The following RNF220 variants were observed in gnomAD, a reference collection of about 807,000 sequenced individuals.
RNF220 encodes the protein E3 ubiquitin-protein ligase RNF220.
RNF220 carries 7 observed loss-of-function variants against 67.1 expected under a neutral mutation model. That is an observed-to-expected ratio of 0.10 (90% CI 0.06 to 0.20). The LOEUF is 0.20. RNF220 is among the 10% of genes least tolerant of loss of function. The pLI is 1.00. For synonymous variants in RNF220, 270 were observed against 283.2 expected, an observed-to-expected ratio of 0.95 and a Z score of 0.47; for missense variants, 565 against 740.3, an observed-to-expected ratio of 0.76 and a Z score of 2.75.
intron 5 of RNF220, among the ~76,000 whole-genome samples, chr1:44,629,327 T>C (rs1368926381): frequency 2.6e-5 from 4 of 152,242 alleles, no homozygotes; most frequent in Non-Finnish European, 4.4e-5. Flanking sequence ...TAGGAGAAGA[T>C]GCAAATAATT....
intron 2 of RNF220, among the ~76,000 whole-genome samples, chr1:44,487,967 C>T (rs528917019): frequency 7.3e-4 from 45 of 61,650 alleles, no homozygotes; most frequent in Non-Finnish European, 1.3e-3. Context: ...AGCCTTTTGG[C>T]ACTGCGATTT....
intron 2 of RNF220, among the ~76,000 whole-genome samples, chr1:44,521,253 CA>C (rs1211375304): frequency 2.6e-5 from 4 of 152,246 alleles, no homozygotes; most frequent in African/African-American, 9.6e-5. Flanking sequence ...TGCCCCAGTA[CA>C]GGATAGGAGA....
chr1:44,598,812 C>T lies in RNF220; in HGVS notation c.626-15353C>T, dbSNP rs182758934. 2.5e-3 allele frequency among the ~76,000 whole-genome samples: 386 copies of T among 152,286 alleles called. 2 individuals carry two copies. The highest frequency in any genetic ancestry group is 8.8e-3 in the African/African-American group (365 of 41,548). Reference sequence around the variant, plus strand: ...GAGCAGTTCTGGAGCTTCTGTATTTCGAGAGCTTCTACCCTTTGACACCCT... The same window carrying T: ...GAGCAGTTCTGGAGCTTCTGTATTTTGAGAGCTTCTACCCTTTGACACCCT... On this transcript the variant is annotated intron_variant, in intron 2 of 14. Coordinates refer to ENST00000361799, the MANE Select transcript of RNF220 (RefSeq NM_018150.4).
intron 2 of RNF220, among the ~76,000 whole-genome samples, chr1:44,597,468 G>GCACACACACA (rs56375404): frequency 1.5e-5 from 2 of 135,650 alleles, no homozygotes; most frequent in Admixed American, 7.4e-5. Flanking sequence ...TCTCTCTCAT[G>GCACACACACA]CACACACACA....
intron 2 of RNF220, among the ~76,000 whole-genome samples, chr1:44,596,461 C>T (rs753557716): frequency 1.9e-4 from 28 of 148,876 alleles, no homozygotes; most frequent in Non-Finnish European, 3.6e-4. Flanking sequence ...ACTCGGGAGG[C>T]TGAGGCAGGA....
At chr1:44,648,675 GGCC>G (rs1418042526) in intron 12 of RNF220, 2 of 152,240 alleles carry the variant, frequency 1.3e-5, no homozygotes, top group African/African-American at 4.8e-5. Flanking sequence ...CCTGGAGGCA[GGCC>G]AGGGCTGTGG....
intron 2 of RNF220, among the ~76,000 whole-genome samples, chr1:44,474,802 T>A (rs1200454618): frequency 2.0e-5 from 3 of 152,124 alleles, no homozygotes; most frequent in Non-Finnish European, 4.4e-5. Context: ...TTAGGTGTTG[T>A]AAGTATCTAG....
At chr1:44,572,249 C>T (rs1053028116) in intron 2 of RNF220, among the ~76,000 whole-genome samples, 1 of 152,244 alleles carries the variant, frequency 6.6e-6, no homozygotes, top group Non-Finnish European at 1.5e-5. Flanking sequence ...TAGCTGTCTC[C>T]TCCCACTAGG....
chr1:44,627,603 A>T (rs1643995178), intron 5 of RNF220, among the ~76,000 whole-genome samples: 1 of 152,130 alleles, frequency 6.6e-6, no homozygotes, highest in African/African-American at 2.4e-5. Flanking sequence ...GTCTAAGGAG[A>T]GGCAGAGCCC....
chr1:44,581,955 G>C (rs564132037), intron 2 of RNF220, among the ~76,000 whole-genome samples: 1 of 152,294 alleles, frequency 6.6e-6, no homozygotes, highest in African/African-American at 2.4e-5. Context: ...CAAGGGAAGC[G>C]CCCACCAGCA....
Position 44,632,365 on chromosome 1 carries a change from A to C in RNF220, c.929A>C (p.Asn310Thr). Residue 310 changes from asparagine to threonine, a missense_variant, in exon 6 of 15, where the codon AAC (asparagine) becomes ACC (threonine). Asn to Thr is a moderately conservative substitution (Grantham distance 65). Transcript: ENST00000361799. Reference sequence around the variant, plus strand: ...CAGACCTTTCTGCGAGTACGAGCCAACCGGCAGACCCGACTGAATGGTGAG... The same window carrying C: ...CAGACCTTTCTGCGAGTACGAGCCACCCGGCAGACCCGACTGAATGGTGAG... ...RYQTFLRVRANRQTRLNARIG... is the reference protein window; with the variant it reads ...RYQTFLRVRATRQTRLNARIG... 1 of 1,613,798 alleles carries C rather than the reference A, an allele frequency of 6.2e-7. No homozygotes were observed. Among genetic ancestry groups the C allele is most frequent in the South Asian group, 1.1e-5 (1 of 91,076 alleles).
intron 2 of RNF220, among the ~76,000 whole-genome samples, chr1:44,535,232 C>T (rs1394433074): frequency 6.6e-6 from 1 of 151,282 alleles, no homozygotes; most frequent in Non-Finnish European, 1.5e-5. Flanking sequence ...CCTCTGCCTC[C>T]CTGGGTTCAG....
At chr1:44,630,768 G>A (rs531216585) in intron 5 of RNF220, among the ~76,000 whole-genome samples, 5 of 152,354 alleles carry the variant, frequency 3.3e-5, no homozygotes, top group African/African-American at 1.2e-4. Context: ...AGAGCATGGA[G>A]TGCTCAAAGA....
chr1:44,580,774 T>C (rs1665217672), intron 2 of RNF220, among the ~76,000 whole-genome samples: 1 of 152,236 alleles, frequency 6.6e-6, no homozygotes, highest in Non-Finnish European at 1.5e-5. Flanking sequence ...CTCTGGAAGC[T>C]GCTGAGTGCC....
intron 8 of RNF220, among the ~76,000 whole-genome samples, chr1:44,638,620 C>G (rs1409055802): frequency 6.6e-6 from 1 of 152,144 alleles, no homozygotes. Flanking sequence ...TGGATCAGAT[C>G]GGTTACCTCA....
At chr1:44,641,440 T>C (rs1644485816) in intron 8 of RNF220, among the ~76,000 whole-genome samples, 1 of 152,284 alleles carries the variant, frequency 6.6e-6, no homozygotes, top group East Asian at 1.9e-4. Flanking sequence ...TTGCCTGTTA[T>C]CGCTGGAGCT....
At chr1:44,625,641 C>T (rs1263691830) in intron 4 of RNF220, among the ~76,000 whole-genome samples, 1 of 152,188 alleles carries the variant, frequency 6.6e-6, no homozygotes, top group Non-Finnish European at 1.5e-5. Context: ...TTGGCAAGAG[C>T]GGGCTCTCAG....
At position 44,650,035 on chromosome 1, in the gene RNF220, C is replaced by A; in HGVS notation, c.1629+78C>A. 1 of 1,466,666 alleles carries A rather than the reference C, an allele frequency of 6.8e-7. No individual in the cohort carries two copies. Among genetic ancestry groups the A allele is most frequent in the African/African-American group, 1.4e-5 (1 of 72,158 alleles). 90.9% of individuals were successfully genotyped at this position (1,466,666 alleles called of 1,614,324 possible). On this transcript the variant is annotated intron_variant, in intron 14 of 14. Transcript: ENST00000361799. This position sits in a 1 kb window ranked among gnomAD's most constrained non-coding sequence, Gnocchi z 4.3. ...ATGTCTGTGCTTATGCCTGAGCCTGCCTGGGGGAAGTGGGGAGCATGGCGC... is the reference window on the plus strand; with the variant it reads ...ATGTCTGTGCTTATGCCTGAGCCTGACTGGGGGAAGTGGGGAGCATGGCGC...
intron 2 of RNF220, among the ~76,000 whole-genome samples, chr1:44,588,764 G>A (rs1202927094): frequency 3.9e-5 from 6 of 152,190 alleles, no homozygotes; most frequent in Non-Finnish European, 7.4e-5. Flanking sequence ...CCCAGCACAG[G>A]TGTGAGGAGG....
Sources: allele counts gnomAD v4.1 joint callset (sites outside exome capture counted in the v4.1 genomes callset), GRCh38; gene constraint gnomAD v4.1.1; non-coding constraint Gnocchi (gnomAD v3.1); transcripts MANE v1.5; gene names NCBI Gene and HGNC (gene_info 2026-07-23, HGNC 2026-07-21).